The following ZNF568 variants were observed in gnomAD, a reference collection of about 807,000 sequenced individuals.
ZNF568 encodes p53 inhibitor of SCO2 activation.
ZNF568 carries 11 observed loss-of-function variants against 18.1 expected under a neutral mutation model. The observed-to-expected ratio is 0.61, with a 90% CI of 0.38 to 1.00. ZNF568 has a LOEUF of 1.00. ZNF568 is among the 50% of genes least tolerant of loss of function. The probability of loss-of-function intolerance (pLI) is 0.01; values close to 1 mark genes in which losing one functional copy is unlikely to be tolerated. For synonymous variants in ZNF568, 213 were observed against 246.6 expected, an observed-to-expected ratio of 0.86 and a Z score of 1.28; for missense variants, 639 against 768.2, an observed-to-expected ratio of 0.83 and a Z score of 1.99.
intron 3 of ZNF568, among the ~76,000 whole-genome samples, chr19:36,923,396 G>A (rs900112581): frequency 2.0e-5 from 3 of 151,972 alleles, no homozygotes; most frequent in African/African-American, 7.3e-5. Flanking sequence ...CCAGATGTCA[G>A]CATCTGTAAG....
intron 6 of ZNF568, among the ~76,000 whole-genome samples, chr19:36,962,992 G>A (rs541361582): frequency 1.4e-4 from 21 of 151,994 alleles, no homozygotes; most frequent in Non-Finnish European, 2.6e-4. Context: ...CTTGCATATT[G>A]TGAGCCTTCT....
At chr19:36,943,617 C>T (rs922464397) in intron 6 of ZNF568, among the ~76,000 whole-genome samples, 4 of 151,972 alleles carry the variant, frequency 2.6e-5, no homozygotes, top group African/African-American at 9.7e-5. Flanking sequence ...CTCTGTCGCC[C>T]AGGCTGGAGA....
intron 4 of ZNF568, among the ~76,000 whole-genome samples, chr19:36,928,211 C>A (rs1284699494): frequency 6.6e-6 from 1 of 151,672 alleles, no homozygotes; most frequent in Non-Finnish European, 1.5e-5. Context: ...AGCCATTGCA[C>A]CTGTCCCGAA....
intron 4 of ZNF568, among the ~76,000 whole-genome samples, chr19:36,927,889 A>ATATG (rs2073599540): frequency 4.5e-5 from 1 of 22,128 alleles, no homozygotes; most frequent in Non-Finnish European, 8.3e-5. Flanking sequence ...TATATATATT[A>ATATG]TATATATATA....
chr19:36,969,393 G>T (rs1371179931), intron 6 of ZNF568, among the ~76,000 whole-genome samples: 1 of 152,110 alleles, frequency 6.6e-6, no homozygotes, highest in Admixed American at 6.6e-5. Context: ...GAGAGCGAAA[G>T]AAAATATCTC....
At position 36,942,219 on chromosome 19, in the gene ZNF568, C is replaced by T. The variant is rs1004275279; in HGVS notation, c.358+4977C>T. On this transcript the variant is annotated intron_variant, in intron 6 of 6. Transcript: ENST00000333987. Reference sequence around the variant, plus strand: ...CTAGTCTCGAACTCCTGACTCACCTCGGTCTCCCAAAGTGCTGGGATTACA... The same window carrying T: ...CTAGTCTCGAACTCCTGACTCACCTTGGTCTCCCAAAGTGCTGGGATTACA... Among the ~76,000 whole-genome samples, 7 of 151,768 alleles carry T rather than the reference C, an allele frequency of 4.6e-5. No homozygotes were observed. In the East Asian group the frequency reaches 5.9e-4, roughly 13 times the overall value.
At chr19:36,975,702 T>TTTTTTTA (rs1460212271) in intron 7 of ZNF568, among the ~76,000 whole-genome samples, 1 of 141,674 alleles carries the variant, frequency 7.1e-6, no homozygotes, top group Non-Finnish European at 1.5e-5. Flanking sequence ...TTTTTTTTTT[T>TTTTTTTA]GAGACAGAGT....
At chr19:36,968,849 C>G (rs2074214653) in intron 6 of ZNF568, among the ~76,000 whole-genome samples, 1 of 146,996 alleles carries the variant, frequency 6.8e-6, no homozygotes, top group African/African-American at 2.5e-5. Context: ...AAGGGACAAG[C>G]ATGAATGAGT....
At chr19:36,942,656 C>G (rs1220119372) in intron 6 of ZNF568, among the ~76,000 whole-genome samples, 1 of 149,182 alleles carries the variant, frequency 6.7e-6, no homozygotes, top group Non-Finnish European at 1.5e-5. Flanking sequence ...CTCATGTATT[C>G]ATCACTCAGC....
chr19:36,962,784 C>A (rs1242217656), intron 6 of ZNF568, among the ~76,000 whole-genome samples: 1 of 152,028 alleles, frequency 6.6e-6, no homozygotes, highest in Non-Finnish European at 1.5e-5. Flanking sequence ...TTTCTTTTAG[C>A]ACTTTAAATA....
At chr19:36,921,598 A>G (rs1266651881) in intron 2 of ZNF568, among the ~76,000 whole-genome samples, 1 of 152,186 alleles carries the variant, frequency 6.6e-6, no homozygotes, top group Non-Finnish European at 1.5e-5. Flanking sequence ...GTTCTATCAT[A>G]CAGGGCAAAA....
At chr19:36,944,535 A>G (rs901384657) in intron 6 of ZNF568, among the ~76,000 whole-genome samples, 2 of 152,042 alleles carry the variant, frequency 1.3e-5, no homozygotes, top group Non-Finnish European at 2.9e-5. Context: ...TCCTTAATTC[A>G]TATATATTTC....
At position 36,918,797 on chromosome 19, in the gene ZNF568, C is replaced by T. The variant is rs530972391; in HGVS notation, c.-186+1149C>T. On this transcript the variant is annotated intron_variant, in intron 2 of 6. Transcript: ENST00000333987. ...CTATCAAACAATAACTCTGTACCCCCCTTTCCCCCGGCCTATGGCATCTAC... is the reference window on the plus strand; with the variant it reads ...CTATCAAACAATAACTCTGTACCCCTCTTTCCCCCGGCCTATGGCATCTAC... Among the ~76,000 whole-genome samples the T allele has an allele frequency of 3.3e-5, 5 of 152,266 alleles. No homozygotes were observed. In the South Asian group the frequency reaches 1.0e-3, roughly 32 times the overall value.
At chr19:36,930,661 T>A (rs2073672314) in intron 4 of ZNF568, among the ~76,000 whole-genome samples, 1 of 152,220 alleles carries the variant, frequency 6.6e-6, no homozygotes, top group Admixed American at 6.5e-5. Flanking sequence ...CCAGAGGGAT[T>A]ATCTATTTCT....
At chr19:36,964,673 G>A (rs1377946362) in intron 6 of ZNF568, among the ~76,000 whole-genome samples, 7 of 152,056 alleles carry the variant, frequency 4.6e-5, no homozygotes, top group African/African-American at 9.7e-5. Flanking sequence ...AAAATTTGGC[G>A]GACGGTGTGA....
intron 4 of ZNF568, among the ~76,000 whole-genome samples, chr19:36,993,797 T>TG (rs1363125470): frequency 5.9e-5 from 9 of 152,272 alleles, no homozygotes; most frequent in Admixed American, 5.9e-4. Flanking sequence ...CTTTTTTTGT[T>TG]GGTCAATCTA....
intron 7 of ZNF568, among the ~76,000 whole-genome samples, chr19:36,977,090 G>A (rs1294255294): frequency 6.6e-6 from 1 of 151,994 alleles, no homozygotes; most frequent in East Asian, 1.9e-4. Flanking sequence ...AATCTATTTT[G>A]TGTGCTTTTA....
intron 6 of ZNF568, among the ~76,000 whole-genome samples, chr19:36,964,896 G>A (rs1358128335): frequency 6.6e-6 from 1 of 152,134 alleles, no homozygotes; most frequent in East Asian, 1.9e-4. Context: ...GTCCCCTGAG[G>A]TGACTGATAC....
chr19:36,977,733 C>G (rs2074297746), intron 7 of ZNF568, among the ~76,000 whole-genome samples: 1 of 152,188 alleles, frequency 6.6e-6, no homozygotes. Flanking sequence ...GTCTATTTCT[C>G]CCTGTATCTT....
Sources: gnomAD v4.1 joint callset for allele counts (sites outside exome capture counted in the v4.1 genomes callset) on GRCh38, gnomAD v4.1.1 for gene constraint, MANE v1.5 for transcripts, NCBI Gene and HGNC (gene_info 2026-07-23, HGNC 2026-07-21) for gene names.